Variants in DTNA observed in about 807,000 individuals in gnomAD.
The protein encoded by DTNA is dystrophin-related protein 3.
DTNA carries 43 observed loss-of-function variants against 100.7 expected under a neutral mutation model. The observed-to-expected ratio is 0.43, with a 90% CI of 0.33 to 0.55. The LOEUF is 0.55. Ranked by LOEUF, DTNA falls within the 20% of genes least tolerant of loss-of-function variation. The probability of loss-of-function intolerance (pLI) is 0.04; values close to 1 mark genes in which losing one functional copy is unlikely to be tolerated. For synonymous variants in DTNA, 349 were observed against 347.9 expected (o/e 1.00, Z -0.04); for missense variants, 798 against 953.9 (o/e 0.84, Z 2.15).
intron 4 of DTNA, among the ~76,000 whole-genome samples, chr18:34,804,942 C>T (rs1410784995): frequency 1.3e-5 from 2 of 152,020 alleles, no homozygotes; most frequent in Non-Finnish European, 2.9e-5. Context: ...GGAACAAAAC[C>T]ACGATTATTT....
At chr18:34,807,496 G>A (rs757904188) in intron 5 of DTNA, among the ~76,000 whole-genome samples, 2 of 152,136 alleles carry the variant, frequency 1.3e-5, no homozygotes, top group South Asian at 2.1e-4. Flanking sequence ...GAGTGAGATC[G>A]CTTGCTTCTT....
At chr18:34,520,405 G>T (rs890472052) in intron 1 of DTNA, among the ~76,000 whole-genome samples, 1 of 152,014 alleles carries the variant, frequency 6.6e-6, no homozygotes, top group Non-Finnish European at 1.5e-5. Context: ...TAATCCCAGC[G>T]CTTTGAGAGG....
chr18:34,667,868 T>C (rs1245178981), intron 1 of DTNA, among the ~76,000 whole-genome samples: 1 of 152,228 alleles, frequency 6.6e-6, no homozygotes, highest in Non-Finnish European at 1.5e-5. Context: ...TCATCAGGGA[T>C]ATTGGTCTAA....
intron 7 of DTNA, among the ~76,000 whole-genome samples, chr18:34,817,265 T>C (rs2095616689): frequency 6.6e-6 from 1 of 152,220 alleles, no homozygotes; most frequent in African/African-American, 2.4e-5. Context: ...TTTTACACTT[T>C]GCTTTTTATC....
intron 15 of DTNA, among the ~76,000 whole-genome samples, chr18:34,855,589 C>G (rs550867147): frequency 6.6e-6 from 1 of 152,212 alleles, no homozygotes; most frequent in East Asian, 1.9e-4. Flanking sequence ...CTTTCACTCT[C>G]TTGTTCTTTC....
At chr18:34,771,740 T>G (rs1031887964) in intron 3 of DTNA, among the ~76,000 whole-genome samples, 2 of 152,222 alleles carry the variant, frequency 1.3e-5, no homozygotes, top group Non-Finnish European at 1.5e-5. Flanking sequence ...AAATAATATT[T>G]TAAATAATCC....
At chr18:34,664,494 A>T (rs1170319745) in intron 1 of DTNA, among the ~76,000 whole-genome samples, 1 of 152,160 alleles carries the variant, frequency 6.6e-6, no homozygotes, top group African/African-American at 2.4e-5. Flanking sequence ...TTAGAATAGT[A>T]TGCAAGTGGA....
intron 3 of DTNA, among the ~76,000 whole-genome samples, chr18:34,777,306 G>A (rs2094110571): frequency 6.6e-6 from 1 of 152,152 alleles, no homozygotes; most frequent in South Asian, 2.1e-4. Flanking sequence ...TGAGACTACT[G>A]GGGAGGAGCT....
chr18:34,852,172 C>A (rs991241848), intron 15 of DTNA, among the ~76,000 whole-genome samples: 2 of 152,098 alleles, frequency 1.3e-5, no homozygotes, highest in Non-Finnish European at 2.9e-5. Context: ...ATTAATGTTG[C>A]CCCTCTAGAC....
At chr18:34,672,412 TA>T (rs1198542801) in intron 1 of DTNA, among the ~76,000 whole-genome samples, 2 of 152,196 alleles carry the variant, frequency 1.3e-5, no homozygotes, top group Non-Finnish European at 2.9e-5. Flanking sequence ...AAGTGTATTC[TA>T]AGAAAGTGAC....
At chr18:34,777,146 C>T (rs1028320685) in intron 3 of DTNA, among the ~76,000 whole-genome samples, 7 of 152,178 alleles carry the variant, frequency 4.6e-5, no homozygotes, top group Non-Finnish European at 1.0e-4. Context: ...ATGTAATTTA[C>T]TTAGTTGTTA....
intron 1 of DTNA, among the ~76,000 whole-genome samples, chr18:34,517,175 A>G (rs1480117585): frequency 6.6e-6 from 1 of 152,156 alleles, no homozygotes; most frequent in Non-Finnish European, 1.5e-5. Context: ...GCATAAGATT[A>G]ACCAAAGCAG....
intron 22 of DTNA, among the ~76,000 whole-genome samples, chr18:34,886,343 C>A (rs62097235): frequency 0.018 from 2,671 of 152,274 alleles, 31 homozygotes; most frequent in Non-Finnish European, 0.028. Flanking sequence ...GAGAGTGCCA[C>A]CACACATGCT....
rs146287829 is a variant in DTNA at position 34,833,302 on chromosome 18, T to C, written c.1175+3813T>C. On this transcript the variant is annotated intron_variant, in intron 11 of 22. Coordinates refer to ENST00000444659, the MANE Select transcript of DTNA (RefSeq NM_001386795.1). ...CCTAAATATTTTCACTGAAGTAAAA[T>C]TATTGGCATCAGTCGTCACCCTTCA... 8.4e-3 allele frequency among the ~76,000 whole-genome samples: 1,273 copies of C among 152,216 alleles called. 19 individuals carry two copies. The highest frequency in any genetic ancestry group is 0.028 in the African/African-American group (1,149 of 41,546).
chr18:34,778,405 C>CT (rs770665538), intron 3 of DTNA, among the ~76,000 whole-genome samples: 2 of 152,116 alleles, frequency 1.3e-5, no homozygotes, highest in African/African-American at 4.8e-5. Context: ...CATATTTTAT[C>CT]TTTTTCTAGT....
At chr18:34,877,891 A>C (rs2096833787) in intron 19 of DTNA, 83 bp downstream of exon 19, 2 of 1,121,416 alleles carry the variant, frequency 1.8e-6, no homozygotes, top group Non-Finnish European at 2.7e-6. Flanking sequence ...AGATCTGCTT[A>C]TTGTCTAATA....
chr18:34,828,952 A>G, intron 10 of DTNA: 1 of 1,434,614 alleles, frequency 7.0e-7, no homozygotes. Context: ...GTTTAGAAAT[A>G]TGTACTTTTA....
intron 17 of DTNA, chr18:34,868,783 A>C: frequency 1.0e-6 from 1 of 984,522 alleles, no homozygotes; most frequent in African/African-American, 1.7e-5. Context: ...TGATATCACA[A>C]GCAATAAATT....
upstream of DTNA, chr18:34,710,156 A>T (rs1230823467): frequency 2.0e-5 from 3 of 152,178 alleles, no homozygotes; most frequent in African/African-American, 7.2e-5. Context: ...AGAAAAAAAA[A>T]TCTGACTTTG....
Sources: gnomAD v4.1 joint callset for allele counts (sites outside exome capture counted in the v4.1 genomes callset) on GRCh38, gnomAD v4.1.1 for gene constraint, MANE v1.5 for transcripts, NCBI Gene and HGNC (gene_info 2026-07-23, HGNC 2026-07-21) for gene names.